The following TTC13 variants were observed in gnomAD, a reference collection of about 807,000 sequenced individuals.
The protein encoded by TTC13 is tetratricopeptide repeat protein 13.
A neutral mutation model predicts 120.0 loss-of-function variants in TTC13; 62 were observed. That is an observed-to-expected ratio of 0.52 (90% confidence interval 0.42 to 0.64). The LOEUF (loss-of-function observed/expected upper bound fraction) is 0.64, where lower values mean the gene tolerates loss of function less well. Ranked by LOEUF, TTC13 falls within the 30% of genes least tolerant of loss-of-function variation. The pLI is 0.00. For missense variants in TTC13, 824 were observed against 1,050.2 expected, an observed-to-expected ratio of 0.78 and a Z score of 2.98; for synonymous variants, 384 against 393.5, an observed-to-expected ratio of 0.98 and a Z score of 0.28.
intron 3 of TTC13, among the ~76,000 whole-genome samples, chr1:230,955,389 C>A (rs1314394519): frequency 1.3e-5 from 2 of 151,958 alleles, no homozygotes; most frequent in African/African-American, 4.8e-5. Context: ...ATAGGCCAGG[C>A]GTGGTGGCTT....
At chr1:230,943,343 C>G (rs1248276171) in intron 6 of TTC13, among the ~76,000 whole-genome samples, 5 of 151,638 alleles carry the variant, frequency 3.3e-5, no homozygotes, top group Non-Finnish European at 7.4e-5. Context: ...AAATGTCCAA[C>G]AACAATAGAC....
At position 230,961,224 on chromosome 1, in the gene TTC13, G is replaced by A. The variant is rs1260907713; in HGVS notation, c.351C>T (p.Asn117=). The change falls in exon 2 of 23, where the codon AAC becomes AAT. Residue 117 remains asparagine (N), a synonymous_variant. Coordinates refer to ENST00000366661, the MANE Select transcript of TTC13 (RefSeq NM_024525.5). ...AGATGCATACCAGAATCTTCTCAGTGTTGAGGGAAAGCAAGGAGTCACAGG... is the reference window on the plus strand; with the variant it reads ...AGATGCATACCAGAATCTTCTCAGTATTGAGGGAAAGCAAGGAGTCACAGG... ...SSPCDSLLSL[N]TEKILSQAKS... 1.2e-6 allele frequency: 2 copies of A among 1,613,678 alleles called. No individual in the cohort carries two copies. The highest frequency in any genetic ancestry group is 3.3e-5 in the Admixed American group (2 of 59,988).
chr1:230,967,153 T>A (rs540255301), intron 1 of TTC13, among the ~76,000 whole-genome samples: 1 of 148,270 alleles, frequency 6.7e-6, no homozygotes, highest in South Asian at 2.2e-4. Flanking sequence ...TTTTAAAATA[T>A]TTATATTAAT....
chr1:230,968,702 A>G (rs1265199978), intron 1 of TTC13, among the ~76,000 whole-genome samples: 1 of 152,182 alleles, frequency 6.6e-6, no homozygotes, highest in Non-Finnish European at 1.5e-5. Flanking sequence ...TTGAGGAAGA[A>G]TTAGGCACAG....
chr1:230,908,945 C>G lies in TTC13; in HGVS notation c.2385G>C (p.Gly795=). 1 of 1,614,196 alleles carries G rather than the reference C, an allele frequency of 6.2e-7. No homozygotes were observed. The highest frequency in any genetic ancestry group is 1.1e-5 in the South Asian group (1 of 91,080). The change falls in exon 21 of 23, where the codon GGG becomes GGC. Residue 795 remains glycine (G), a synonymous_variant. Coordinates refer to ENST00000366661, the MANE Select transcript of TTC13 (RefSeq NM_024525.5). ...GKEVAGKIPK[G]KLVDFEAMTA... ...CTCCCTTCCCGCTCCAACATACCTTCCCTTTGGGAATTTTTCCTGCTACTT... is the reference window on the plus strand; with the variant it reads ...CTCCCTTCCCGCTCCAACATACCTTGCCTTTGGGAATTTTTCCTGCTACTT...
In TTC13 at chr1:230,978,584, C is replaced by G; in HGVS notation, c.247G>C (p.Asp83His). The change falls in exon 1 of 23, where the codon GAC (aspartate) becomes CAC (histidine). Residue 83 changes from aspartate to histidine, a missense_variant. By Grantham distance (81) the Asp-to-His change is moderately conservative. This residue lies in a region of TTC13 where 160 missense variants were observed against 137.2 expected (regional missense o/e 1.17). Transcript: ENST00000366661. The surrounding 1 kb of genome is among the most constrained non-coding windows in gnomAD (Gnocchi z 5.6). Reference sequence around the variant, plus strand: ...CCGCCGCACTCGGCAGAGTACTGGTCCCCCCAGTCCCCGGACTGCGGGCTG... The same window carrying G: ...CCGCCGCACTCGGCAGAGTACTGGTGCCCCCAGTCCCCGGACTGCGGGCTG... ...GCSPQSGDWG[D>H]QYSAECGESS... 7.6e-7 allele frequency: 1 copy of G among 1,314,722 alleles called. No homozygotes were observed. The highest frequency in any genetic ancestry group is 1.0e-6 in the Non-Finnish European group (1 of 984,558). 81.4% of individuals were successfully genotyped at this position (1,314,722 alleles called of 1,614,324 possible).
At position 230,924,932 on chromosome 1, in the gene TTC13, G is replaced by A. The variant is rs145747933; in HGVS notation, c.1630C>T (p.Arg544Cys). 2.0e-4 allele frequency: 327 copies of A among 1,614,016 alleles called. 2 individuals are homozygous for A. The highest frequency in any genetic ancestry group is 2.7e-4 in the Non-Finnish European group (313 of 1,180,040). Reference sequence around the variant, plus strand: ...CGAACTTTCGAGTTGGTCCATGTACGCTGCACGGCTTGCATGACCTCCAAT... The same window carrying A: ...CGAACTTTCGAGTTGGTCCATGTACACTGCACGGCTTGCATGACCTCCAAT... ...AALEVMQAVQ[R>C]TWTNSKVRMN... Residue 544 changes from arginine to cysteine, a missense_variant, in exon 14 of 23, where the codon CGT becomes TGT. Arg to Cys is a radical substitution (Grantham distance 180). This residue lies in a region of TTC13 where 430 missense variants were observed against 626.8 expected (regional missense o/e 0.69). Coordinates refer to ENST00000366661, the MANE Select transcript of TTC13 (RefSeq NM_024525.5).
intron 18 of TTC13, among the ~76,000 whole-genome samples, chr1:230,915,032 C>T (rs908738360): frequency 2.0e-5 from 3 of 152,066 alleles, no homozygotes. Context: ...GCACAACCTG[C>T]AATCAGGGGA....
rs1371500187 is a variant in TTC13, at chr1:230,965,790, CA to C, written c.272-4488del. Among the ~76,000 whole-genome samples the C allele has an allele frequency of 6.6e-5, 10 of 152,168 alleles. No individual in the cohort carries two copies. In the East Asian group the frequency reaches 1.9e-3, roughly 30 times the overall value. On this transcript the variant is annotated intron_variant, in intron 1 of 22. Transcript: ENST00000366661. ...CATCCCTAGTAGCTGGGAACACAGG[CA>C]TGCACCACCACACCTGGCTAATTTT...
rs552111982 is a variant in TTC13 at position 230,948,842 on chromosome 1, T to C, written c.514-3388A>G. Reference sequence around the variant, plus strand: ...ATTTAATAATTCCCTACATACAAGATGCTTTCCCAAATGCAGTGCATTTGC... The same window carrying C: ...ATTTAATAATTCCCTACATACAAGACGCTTTCCCAAATGCAGTGCATTTGC... On this transcript the variant is annotated intron_variant, in intron 4 of 22. Coordinates refer to ENST00000366661, the MANE Select transcript of TTC13 (RefSeq NM_024525.5). Among the ~76,000 whole-genome samples the C allele has an allele frequency of 5.9e-5, 9 of 152,198 alleles. No homozygotes were observed. The East Asian group carries it at 9.7e-4, about 16-fold the overall frequency.
chr1:230,952,385 C>T (rs1675678704), intron 4 of TTC13, among the ~76,000 whole-genome samples: 1 of 152,168 alleles, frequency 6.6e-6, no homozygotes, highest in Admixed American at 6.5e-5. Context: ...GGCATTCTTG[C>T]TGCTAATAAA....
intron 4 of TTC13, among the ~76,000 whole-genome samples, chr1:230,951,223 T>C (rs1356122398): frequency 6.6e-6 from 1 of 152,200 alleles, no homozygotes; most frequent in Non-Finnish European, 1.5e-5. Context: ...AAATACCCTT[T>C]ATATGTAGAT....
chr1:230,932,760 T>TAA (rs1163609307), intron 9 of TTC13, among the ~76,000 whole-genome samples: 1 of 152,166 alleles, frequency 6.6e-6, no homozygotes, highest in African/African-American at 2.4e-5. Flanking sequence ...ATCAGATAAA[T>TAA]AAGCTCTTGA....
intron 3 of TTC13, among the ~76,000 whole-genome samples, chr1:230,955,404 C>A (rs1056873858): frequency 6.6e-6 from 1 of 151,952 alleles, no homozygotes; most frequent in East Asian, 1.9e-4. Flanking sequence ...TGGCTTACAC[C>A]TGTAATCCCA....
At chr1:230,974,650 C>A (rs1678093511) in intron 1 of TTC13, among the ~76,000 whole-genome samples, 1 of 152,192 alleles carries the variant, frequency 6.6e-6, no homozygotes, top group Admixed American at 6.5e-5. Flanking sequence ...TTTCTCAAAA[C>A]ATACCCTGTT....
At chr1:230,977,793 T>C (rs1017374478) in intron 1 of TTC13, among the ~76,000 whole-genome samples, 1 of 123,194 alleles carries the variant, frequency 8.1e-6, no homozygotes, top group Non-Finnish European at 1.7e-5. Flanking sequence ...AACAAAAAAA[T>C]GTACACACGT....
At chr1:230,936,386 C>A (rs546104667) in intron 8 of TTC13, 8 of 381,226 alleles carry the variant, frequency 2.1e-5, no homozygotes, top group South Asian at 1.4e-4. Flanking sequence ...TTGGCAAATG[C>A]CATCCCACCA....
chr1:230,978,689 G>C lies in TTC13; in HGVS notation c.142C>G (p.His48Asp). ...GLRPGALATE[H>D]YSPLSLLKQE... ...TTGAGCAGGGAGAGCGGCGAGTAGT[G>C]CTCGGTGGCCAGGGCGCCTGGCCGC... is the stretch of plus-strand genomic sequence containing the variant. The change falls in exon 1 of 23, where the codon CAC (histidine) becomes GAC (aspartate). Residue 48 changes from histidine to aspartate, a missense_variant. Coordinates refer to ENST00000366661, the MANE Select transcript of TTC13 (RefSeq NM_024525.5). This position sits in a 1 kb window ranked among gnomAD's most constrained non-coding sequence, Gnocchi z 5.6. The C allele has an allele frequency of 6.7e-7, 1 of 1,489,426 alleles. No individual in the cohort carries two copies. The highest frequency in any genetic ancestry group is 8.9e-7 in the Non-Finnish European group (1 of 1,127,884). 92.3% of individuals were successfully genotyped at this position (1,489,426 alleles called of 1,614,324 possible). A position where few individuals can be genotyped will look rare whatever the true frequency, so the allele number is the denominator to read the frequency against.
chr1:230,925,943 T>C (rs1474308791), intron 12 of TTC13, among the ~76,000 whole-genome samples: 1 of 152,180 alleles, frequency 6.6e-6, no homozygotes, highest in Non-Finnish European at 1.5e-5. Context: ...TTCTCCAGAA[T>C]ACATTCCTGA....
Sources: allele counts gnomAD v4.1 joint callset (sites outside exome capture counted in the v4.1 genomes callset), GRCh38; gene constraint gnomAD v4.1.1; regional missense constraint gnomAD v4.1.1; non-coding constraint Gnocchi (gnomAD v3.1); transcripts MANE v1.5; gene names NCBI Gene and HGNC (gene_info 2026-07-23, HGNC 2026-07-21).